CCDC7: variants seen among roughly 807,000 people sequenced by gnomAD.
CCDC7 encodes coiled-coil domain-containing protein 7.
In CCDC7, 183 loss-of-function variants were observed where a neutral mutation model predicts 196.9. That is an observed-to-expected ratio of 0.93 (90% CI 0.82 to 1.05). CCDC7 has a LOEUF of 1.05. Among genes scored for constraint, CCDC7 ranks in the 50% least tolerant of loss-of-function variants. The pLI, the probability that CCDC7 is intolerant of heterozygous loss-of-function variation, is 0.00. For synonymous variants in CCDC7, 525 were observed against 484.6 expected (o/e 1.08, Z -1.10); for missense variants, 1,540 against 1,482.2 (o/e 1.04, Z -0.64).
intron 28 of CCDC7, 42 bp from the exon 30 acceptor site, chr10:32,778,935 G>GT: frequency 6.8e-7 from 1 of 1,460,828 alleles, no homozygotes; most frequent in African/African-American, 1.4e-5. Context: ...CAAAATGTTA[G>GT]TTTTTTAAAT....
At chr10:32,760,096 C>T (rs1292001094) in intron 28 of CCDC7, among the ~76,000 whole-genome samples, 1 of 152,110 alleles carries the variant, frequency 6.6e-6, no homozygotes, top group Non-Finnish European at 1.5e-5. Context: ...CAGCAAACAA[C>T]AGGTGCTAGA....
At chr10:32,513,516 A>G (rs2046549610) in intron 9 of CCDC7, 1 of 152,078 alleles carries the variant, frequency 6.6e-6, no homozygotes, top group Non-Finnish European at 1.5e-5. Flanking sequence ...TCTGATACCA[A>G]AATTAGACAA....
chr10:32,511,076 C>G (rs2046035919), intron 9 of CCDC7, among the ~76,000 whole-genome samples: 1 of 151,770 alleles, frequency 6.6e-6, no homozygotes, highest in Admixed American at 6.6e-5. Context: ...ATAAGAGTCT[C>G]ATCAAAAGAG....
intron 18 of CCDC7, among the ~76,000 whole-genome samples, chr10:32,624,057 A>T (rs1354511817): frequency 6.6e-6 from 1 of 152,180 alleles, no homozygotes; most frequent in Non-Finnish European, 1.5e-5. Context: ...TTCAGTCTGA[A>T]AACCTTGAGA....
At chr10:32,721,117 A>G (rs1029862951) in intron 25 of CCDC7, among the ~76,000 whole-genome samples, 1 of 152,120 alleles carries the variant, frequency 6.6e-6, no homozygotes, top group South Asian at 2.1e-4. Context: ...AAGATATTTT[A>G]TACTGTGAAC....
intron 13 of CCDC7, 37 bp from the exon 15 acceptor site, chr10:32,565,521 A>G (rs533557543): frequency 2.5e-6 from 4 of 1,588,834 alleles, no homozygotes; most frequent in Non-Finnish European, 3.4e-6. Flanking sequence ...TAAAAATACC[A>G]AAGTAAATAC....
intron 41 of CCDC7, among the ~76,000 whole-genome samples, chr10:32,857,880 C>A (rs2093813465): frequency 6.6e-6 from 1 of 150,916 alleles, no homozygotes; most frequent in Admixed American, 6.6e-5. Context: ...TAGACAAAAT[C>A]CTTGCTAGGC....
At chr10:32,615,063 CTT>C (rs2062631916) in intron 18 of CCDC7, among the ~76,000 whole-genome samples, 1 of 152,178 alleles carries the variant, frequency 6.6e-6, no homozygotes, top group African/African-American at 2.4e-5. Flanking sequence ...ACTACATTCT[CTT>C]TATCCATTCC....
At chr10:32,594,238 G>A (rs1016492176) in intron 18 of CCDC7, among the ~76,000 whole-genome samples, 2 of 152,140 alleles carry the variant, frequency 1.3e-5, no homozygotes, top group Admixed American at 1.3e-4. Flanking sequence ...GCAGTGGTTT[G>A]TAGTTCTCTT....
chr10:32,776,869 GT>G (rs35390403), intron 28 of CCDC7, among the ~76,000 whole-genome samples: 119,198 of 151,958 alleles, frequency 0.78, 47,030 homozygotes, highest in Non-Finnish European at 0.83. Flanking sequence ...AAATGTTAGG[GT>G]TTTTTTGTTG....
intron 29 of CCDC7, among the ~76,000 whole-genome samples, chr10:32,784,249 A>C (rs1292820541): frequency 6.6e-6 from 1 of 151,594 alleles, no homozygotes; most frequent in Non-Finnish European, 1.5e-5. Flanking sequence ...TCCAGGGTAC[A>C]TGTGCAGGAT....
At chr10:32,554,359 T>C (rs1372473433) in intron 13 of CCDC7, among the ~76,000 whole-genome samples, 1 of 152,206 alleles carries the variant, frequency 6.6e-6, no homozygotes, top group Non-Finnish European at 1.5e-5. Context: ...TTCAAATTGT[T>C]ACAAAGTTCA....
At chr10:32,669,361 C>G (rs2073565970) in intron 21 of CCDC7, among the ~76,000 whole-genome samples, 1 of 152,022 alleles carries the variant, frequency 6.6e-6, no homozygotes, top group Non-Finnish European at 1.5e-5. Flanking sequence ...CTTGTAGTGT[C>G]CTTGTCTGGC....
intron 16 of CCDC7, among the ~76,000 whole-genome samples, chr10:32,576,387 G>A (rs1252425268): frequency 6.6e-6 from 1 of 151,836 alleles, no homozygotes; most frequent in Non-Finnish European, 1.5e-5. Flanking sequence ...GTGCTTTGGA[G>A]TTTAACCATG....
At chr10:32,858,070 G>C (rs2093824257) in intron 41 of CCDC7, among the ~76,000 whole-genome samples, 1 of 133,426 alleles carries the variant, frequency 7.5e-6, no homozygotes, top group Non-Finnish European at 1.7e-5. Context: ...TACCAAGATT[G>C]AATCAGGAAG....
Position 32,511,263 on chromosome 10 carries a change from G to GGGGT in CCDC7, c.873-6679_873-6678insTGGG, listed in dbSNP as rs1554812922. On this transcript the variant is annotated intron_variant, in intron 9 of 41. Coordinates refer to ENST00000639629, the Ensembl canonical transcript of CCDC7. Reference sequence around the variant, plus strand: ...CCACAGAATTATTCTGTGGGGGGCGGGGGGGGCGGGGAAATGTACTTTTTG... The same window carrying GGGGT: ...CCACAGAATTATTCTGTGGGGGGCGGGGGTGGGGGGCGGGGAAATGTACTTTTTG... 118 of 591,078 alleles carry GGGGT rather than the reference G, an allele frequency of 2.0e-4. 1 individual carries two copies. Among genetic ancestry groups the GGGGT allele is most frequent in the Middle Eastern group, 4.5e-4 (1 of 2,218 alleles). The allele number at this position is 591,078 out of a possible 1,614,324, so 36.6% of individuals were successfully genotyped here. A position where few individuals can be genotyped will look rare whatever the true frequency, so the allele number is the denominator to read the frequency against.
chr10:32,541,066 C>A lies in CCDC7; in HGVS notation c.994-2234C>A, dbSNP rs140889390. 7.5e-3 allele frequency among the ~76,000 whole-genome samples: 1,083 copies of A among 144,664 alleles called. 18 individuals carry two copies. The highest frequency in any genetic ancestry group is 0.025 in the African/African-American group (967 of 39,432). The allele number at this position is 144,664 out of a possible 152,430, so 94.9% of individuals were successfully genotyped here. On this transcript the variant is annotated intron_variant, in intron 11 of 41. Coordinates refer to ENST00000639629, the Ensembl canonical transcript of CCDC7. ...ATTTCTGAGTTTTTTTTTTTTCATTCTTTTTTCTTTGTTTTTGTCTGATTG... is the reference window on the plus strand; with the variant it reads ...ATTTCTGAGTTTTTTTTTTTTCATTATTTTTTCTTTGTTTTTGTCTGATTG...
intron 29 of CCDC7, among the ~76,000 whole-genome samples, chr10:32,780,147 G>T (rs1161341435): frequency 6.6e-6 from 1 of 152,098 alleles, no homozygotes; most frequent in Non-Finnish European, 1.5e-5. Context: ...TGAGGCAGGG[G>T]AATCACTGAA....
chr10:32,570,853 A>G (rs2137051948), intron 15 of CCDC7, among the ~76,000 whole-genome samples: 1 of 152,310 alleles, frequency 6.6e-6, no homozygotes, highest in Admixed American at 6.5e-5. Context: ...GAATAAGGAT[A>G]AAACCAGTTA....
Sources: gnomAD v4.1 joint callset for allele counts (sites outside exome capture counted in the v4.1 genomes callset) on GRCh38, gnomAD v4.1.1 for gene constraint, MANE v1.5 for transcripts, NCBI Gene and HGNC (gene_info 2026-07-23, HGNC 2026-07-21) for gene names.